The following FHIT variants were observed in gnomAD, a reference collection of about 807,000 sequenced individuals.
The protein encoded by FHIT is fragile histidine triad diadenosine triphosphatase, also known as bis(5'-adenosyl)-triphosphatase.
In FHIT, 19 loss-of-function variants were observed where a neutral mutation model predicts 17.9. The observed-to-expected ratio is 1.06, with a 90% CI of 0.74 to 1.56. The LOEUF is 1.56. FHIT is among the 40% of genes most tolerant of loss of function. The probability of loss-of-function intolerance (pLI) is 0.00; values close to 1 mark genes in which losing one functional copy is unlikely to be tolerated. For missense variants in FHIT, 248 were observed against 189.2 expected, an observed-to-expected ratio of 1.31 and a Z score of -1.82; for synonymous variants, 81 against 69.7, an observed-to-expected ratio of 1.16 and a Z score of -0.81.
At chr3:60,962,741 T>G (rs1354380404) in intron 3 of FHIT, among the ~76,000 whole-genome samples, 1 of 152,222 alleles carries the variant, frequency 6.6e-6, no homozygotes, top group Non-Finnish European at 1.5e-5. Flanking sequence ...TTTATTGATT[T>G]GCGTATGTGA....
intron 4 of FHIT, among the ~76,000 whole-genome samples, chr3:60,621,602 C>T (rs879981522): frequency 6.6e-6 from 1 of 151,330 alleles, no homozygotes; most frequent in Admixed American, 6.6e-5. Flanking sequence ...AAAAAAAAGA[C>T]TCCAGAAAAT....
intron 5 of FHIT, among the ~76,000 whole-genome samples, chr3:60,040,141 TTTTA>T (rs765060801): frequency 1.5e-5 from 2 of 137,664 alleles, no homozygotes; most frequent in South Asian, 2.3e-4. Context: ...CCTTCTTTCT[TTTTA>T]TTTATTTATT....
intron 5 of FHIT, among the ~76,000 whole-genome samples, chr3:60,116,912 A>G (rs1282065574): frequency 6.6e-6 from 1 of 152,164 alleles, no homozygotes; most frequent in Non-Finnish European, 1.5e-5. Context: ...TACCGCTAAC[A>G]ATCTCCCCTC....
At chr3:61,028,408 G>A (rs4688142) in intron 3 of FHIT, among the ~76,000 whole-genome samples, 94,204 of 152,014 alleles carry the variant, frequency 0.62, 29,794 homozygotes, top group East Asian at 0.73. Context: ...GATGACAAGG[G>A]AGAGATCCCA....
At chr3:61,083,356 C>T (rs1293730870) in intron 2 of FHIT, among the ~76,000 whole-genome samples, 2 of 152,088 alleles carry the variant, frequency 1.3e-5, no homozygotes, top group African/African-American at 2.4e-5. Flanking sequence ...TTTGGGAGGC[C>T]GAGGCGGGCG....
chr3:61,164,012 A>G (rs1440025200), intron 2 of FHIT, among the ~76,000 whole-genome samples: 1 of 152,190 alleles, frequency 6.6e-6, no homozygotes, highest in Admixed American at 6.5e-5. Context: ...TGGGCTATGA[A>G]TATTCCTATT....
chr3:61,179,707 CAAAAA>C (rs779180597), intron 2 of FHIT, among the ~76,000 whole-genome samples: 3 of 28,994 alleles, frequency 1.0e-4, no homozygotes, highest in East Asian at 1.7e-3. Context: ...GACCCTATCT[CAAAAA>C]AAAAAAAAAA....
intron 7 of FHIT, among the ~76,000 whole-genome samples, chr3:59,924,626 T>C (rs12633994): frequency 0.081 from 12,388 of 152,262 alleles, 800 homozygotes; most frequent in East Asian, 0.33. Context: ...AAAAAACAAA[T>C]TTAAACCTGA....
chr3:60,743,338 C>T (rs963115139), intron 4 of FHIT, among the ~76,000 whole-genome samples: 2 of 152,162 alleles, frequency 1.3e-5, no homozygotes, highest in Non-Finnish European at 2.9e-5. Context: ...GGAATGACAG[C>T]ATAGTGAGTC....
chr3:60,877,576 A>C (rs1423381387), intron 3 of FHIT, among the ~76,000 whole-genome samples: 1 of 152,126 alleles, frequency 6.6e-6, no homozygotes, highest in Non-Finnish European at 1.5e-5. Context: ...ATCCCAGGTA[A>C]ATGGTGCCTG....
At chr3:60,375,874 G>C (rs190554669) in intron 5 of FHIT, among the ~76,000 whole-genome samples, 1 of 152,130 alleles carries the variant, frequency 6.6e-6, no homozygotes, top group African/African-American at 2.4e-5. Flanking sequence ...TTCCAGATGT[G>C]TGTTGCCCAA....
intron 8 of FHIT, among the ~76,000 whole-genome samples, chr3:59,838,858 T>C (rs1369497147): frequency 6.6e-6 from 1 of 152,100 alleles, no homozygotes. Flanking sequence ...AAGGCGGAAG[T>C]AGGAAACTGA....
At chr3:60,723,697 G>C (rs1041536604) in intron 4 of FHIT, among the ~76,000 whole-genome samples, 1 of 152,190 alleles carries the variant, frequency 6.6e-6, no homozygotes, top group Non-Finnish European at 1.5e-5. Context: ...TTTACTTTGT[G>C]TTCTTTCACT....
At chr3:61,011,809 G>A (rs536004024) in intron 3 of FHIT, among the ~76,000 whole-genome samples, 2 of 152,210 alleles carry the variant, frequency 1.3e-5, no homozygotes, top group East Asian at 1.9e-4. Context: ...ATACAATGGC[G>A]ATGGTGTCTT....
chr3:60,365,659 G>C (rs527999722), intron 5 of FHIT, among the ~76,000 whole-genome samples: 2 of 152,208 alleles, frequency 1.3e-5, no homozygotes, highest in Admixed American at 1.3e-4. Flanking sequence ...ATCTCTTTCA[G>C]ATCAAAATAT....
At chr3:60,749,595 A>T (rs2042426915) in intron 4 of FHIT, among the ~76,000 whole-genome samples, 1 of 152,210 alleles carries the variant, frequency 6.6e-6, no homozygotes, top group African/African-American at 2.4e-5. Flanking sequence ...CATTGTCACC[A>T]CTAACACAAA....
rs2033192326 is a variant in FHIT, at chr3:60,473,534, G to T, written c.103+63326C>A. 2.6e-5 allele frequency among the ~76,000 whole-genome samples: 4 copies of T among 152,206 alleles called. No individual in the cohort carries two copies. In the South Asian group the frequency reaches 8.3e-4, roughly 32 times the overall value. ...GGCTTAAAATACATGACAATGAAAA[G>T]GCCATTAACCAATAGGGCTAACTAC... is the stretch of plus-strand genomic sequence containing the variant. On this transcript the variant is annotated intron_variant, in intron 5 of 9. Transcript: ENST00000492590.
intron 5 of FHIT, among the ~76,000 whole-genome samples, chr3:60,048,037 C>T (rs1335360501): frequency 6.6e-6 from 1 of 152,202 alleles, no homozygotes; most frequent in Admixed American, 6.5e-5. Flanking sequence ...GCCTCTCTCT[C>T]CCCTTGGCTT....
chr3:60,106,316 A>T (rs761652596), intron 5 of FHIT, among the ~76,000 whole-genome samples: 1 of 152,202 alleles, frequency 6.6e-6, no homozygotes, highest in Admixed American at 6.5e-5. Context: ...TAGTAAAGAG[A>T]AGTCATATGC....
Sources: gnomAD v4.1 joint callset for allele counts (sites outside exome capture counted in the v4.1 genomes callset) on GRCh38, gnomAD v4.1.1 for gene constraint, MANE v1.5 for transcripts, NCBI Gene and HGNC (gene_info 2026-07-23, HGNC 2026-07-21) for gene names.